ASXL3: variants seen among roughly 807,000 people sequenced by gnomAD.
The protein encoded by ASXL3 is ASXL transcriptional regulator 3, also known as putative Polycomb group protein ASXL3.
In ASXL3, 34 loss-of-function variants were observed where a neutral mutation model predicts 170.6. The ratio of observed to expected loss-of-function variants is 0.20; its 90% CI spans 0.15 to 0.27. The LOEUF (loss-of-function observed/expected upper bound fraction) is 0.27. ASXL3 is among the 10% of genes least tolerant of loss of function. ASXL3 has a pLI of 1.00. For synonymous variants in ASXL3, 1,002 were observed against 989.1 expected (o/e 1.01, Z -0.24); for missense variants, 2,592 against 2,695.3 (o/e 0.96, Z 0.85).
At chr18:33,719,967 C>CAGTT (rs1163488329) in intron 8 of ASXL3, among the ~76,000 whole-genome samples, 1 of 151,948 alleles carries the variant, frequency 6.6e-6, no homozygotes, top group Non-Finnish European at 1.5e-5. Flanking sequence ...TGAAAGCACT[C>CAGTT]AGTTAGTCTA....
chr18:33,607,711 A>G, intron 2 of ASXL3, 35 bp downstream of exon 2: 3 of 1,477,224 alleles, frequency 2.0e-6, no homozygotes, highest in Admixed American at 4.1e-5. Flanking sequence ...TTCTGTTTTC[A>G]TTAAATAATA....
At chr18:33,610,865 A>G (rs947063330) in intron 2 of ASXL3, among the ~76,000 whole-genome samples, 3 of 152,038 alleles carry the variant, frequency 2.0e-5, no homozygotes, top group Non-Finnish European at 4.4e-5. Context: ...AATCCCATTA[A>G]ATATATGTAT....
intron 8 of ASXL3, among the ~76,000 whole-genome samples, chr18:33,702,905 T>A (rs1427087954): frequency 1.3e-5 from 2 of 152,162 alleles, no homozygotes; most frequent in Admixed American, 6.5e-5. Flanking sequence ...TCTGCTTTGA[T>A]ATCACACCCA....
chr18:33,712,541 T>C (rs2067085754), intron 8 of ASXL3, among the ~76,000 whole-genome samples: 1 of 152,204 alleles, frequency 6.6e-6, no homozygotes, highest in Non-Finnish European at 1.5e-5. Flanking sequence ...CTGACGAGTG[T>C]TCTTGTGATT....
intron 2 of ASXL3, among the ~76,000 whole-genome samples, chr18:33,627,707 A>C (rs1311405351): frequency 6.6e-6 from 1 of 152,108 alleles, no homozygotes; most frequent in South Asian, 2.1e-4. Flanking sequence ...TAAGAATCAA[A>C]TTGGGTTGTA....
chr18:33,731,919 T>C, intron 8 of ASXL3, 49 bp from the exon 9 acceptor site: 1 of 1,528,390 alleles, frequency 6.5e-7, no homozygotes, highest in Non-Finnish European at 9.0e-7. Context: ...ATACTTTTGC[T>C]TTGACTTATT....
At chr18:33,635,480 G>C (rs1221295660) in intron 2 of ASXL3, among the ~76,000 whole-genome samples, 1 of 152,134 alleles carries the variant, frequency 6.6e-6, no homozygotes, top group African/African-American at 2.4e-5. Context: ...ATAGGCACCA[G>C]CTATTCTCTT....
At position 33,662,952 on chromosome 18, in the gene ASXL3, A is replaced by G. The variant is rs764557704; in HGVS notation, c.477+1215A>G. 4.6e-4 allele frequency among the ~76,000 whole-genome samples: 70 copies of G among 152,252 alleles called. 1 individual carries two copies. The highest frequency in any genetic ancestry group is 8.4e-4 in the Non-Finnish European group (57 of 68,010). On this transcript the variant is annotated intron_variant, in intron 5 of 11. Transcript: ENST00000269197. ...AGAAAACATAGGAAAGAAACTTAAC[A>G]TGGTTATGCTGAATTATGTTACCTT...
chr18:33,588,826 T>A (rs1180644558), intron 1 of ASXL3, among the ~76,000 whole-genome samples: 1 of 152,196 alleles, frequency 6.6e-6, no homozygotes, highest in Non-Finnish European at 1.5e-5. Flanking sequence ...TCTTTCCCAC[T>A]CCCATCAAGT....
intron 8 of ASXL3, among the ~76,000 whole-genome samples, chr18:33,697,009 G>C (rs1425205294): frequency 1.3e-5 from 2 of 152,102 alleles, no homozygotes; most frequent in Non-Finnish European, 2.9e-5. Flanking sequence ...AGGGTCAACA[G>C]AGTTTCTGAT....
intron 2 of ASXL3, among the ~76,000 whole-genome samples, chr18:33,624,620 T>A (rs545073681): frequency 6.6e-6 from 1 of 152,172 alleles, no homozygotes; most frequent in African/African-American, 2.4e-5. Flanking sequence ...ATCTGATGGG[T>A]ATGTTTTTGG....
rs143296250 is a variant in ASXL3 at position 33,583,712 on chromosome 18, A to G, written c.54+5027A>G. Among the ~76,000 whole-genome samples the G allele has an allele frequency of 4.6e-5, 7 of 152,304 alleles. No homozygotes were observed. The East Asian group carries it at 1.2e-3, about 25-fold the overall frequency. On this transcript the variant is annotated intron_variant, in intron 1 of 11. Transcript: ENST00000269197. ...ACAGATGATTTCTTAGATGCCAGAAATGAACTATTTTCTTGGTGTACTGTG... is the reference window on the plus strand; with the variant it reads ...ACAGATGATTTCTTAGATGCCAGAAGTGAACTATTTTCTTGGTGTACTGTG...
chr18:33,600,452 A>G (rs1188219723), intron 1 of ASXL3, among the ~76,000 whole-genome samples: 1 of 152,182 alleles, frequency 6.6e-6, no homozygotes, highest in African/African-American at 2.4e-5. Flanking sequence ...TAAGCTCTTA[A>G]GAGAATAGAC....
chr18:33,626,104 G>T (rs1349327816), intron 2 of ASXL3, among the ~76,000 whole-genome samples: 1 of 148,802 alleles, frequency 6.7e-6, no homozygotes, highest in South Asian at 2.1e-4. Context: ...AGGACTCAAT[G>T]AAAAAAAAAC....
In ASXL3 at chr18:33,691,877, T is replaced by C. The variant is rs558752482; in HGVS notation, c.879+8309T>C. Among the ~76,000 whole-genome samples the C allele has an allele frequency of 3.1e-4, 47 of 152,318 alleles. 1 individual carries two copies. In the South Asian group the frequency reaches 8.7e-3, roughly 28 times the overall value. Reference sequence around the variant, plus strand: ...CAATATGTGCCAGTAATAATGATTATGTATACTGCTAGGTCTTCTACATAT... The same window carrying C: ...CAATATGTGCCAGTAATAATGATTACGTATACTGCTAGGTCTTCTACATAT... On this transcript the variant is annotated intron_variant, in intron 8 of 11. Coordinates refer to ENST00000269197, the MANE Select transcript of ASXL3 (RefSeq NM_030632.3).
intron 5 of ASXL3, among the ~76,000 whole-genome samples, chr18:33,665,041 G>C (rs1469765959): frequency 6.6e-6 from 1 of 151,838 alleles, no homozygotes; most frequent in African/African-American, 2.4e-5. Context: ...TTTCTGCCTG[G>C]GTATTTTAGT....
intron 8 of ASXL3, among the ~76,000 whole-genome samples, chr18:33,684,029 TATAA>T (rs1392872108): frequency 2.6e-5 from 4 of 152,200 alleles, no homozygotes; most frequent in South Asian, 2.1e-4. Flanking sequence ...TATGATTGCC[TATAA>T]ATAATCACCT....
chr18:33,638,709 A>G (rs2065805436), intron 2 of ASXL3, among the ~76,000 whole-genome samples: 2 of 152,168 alleles, frequency 1.3e-5, no homozygotes, highest in Non-Finnish European at 2.9e-5. Flanking sequence ...TGACTTCTGT[A>G]AGATTCCTCA....
At position 33,742,849 on chromosome 18, in the gene ASXL3, A is replaced by G. The variant is rs752168123; in HGVS notation, c.3040-39A>G. 15 of 1,547,488 alleles carry G rather than the reference A, an allele frequency of 9.7e-6. No individual in the cohort carries two copies. The East Asian group carries it at 2.0e-4, about 21-fold the overall frequency. On this transcript the variant is annotated intron_variant, in intron 11 of 11. Transcript: ENST00000269197. ...CTACGTGCCTCCTCTGTGATCATGT[A>G]TGAAGCACATTATATTTTTTTTTCT...
Sources: allele counts gnomAD v4.1 joint callset (sites outside exome capture counted in the v4.1 genomes callset), GRCh38; gene constraint gnomAD v4.1.1; transcripts MANE v1.5; gene names NCBI Gene and HGNC (gene_info 2026-07-23, HGNC 2026-07-21).